The following AAK1 variants were observed in gnomAD, a reference collection of about 807,000 sequenced individuals.
AAK1 encodes AP2-associated protein kinase 1.
A neutral mutation model predicts 116.0 loss-of-function variants in AAK1; 37 were observed. That is an observed-to-expected ratio of 0.32 (90% CI 0.25 to 0.42). AAK1 has a LOEUF of 0.42. Ranked by LOEUF, AAK1 falls within the 10% of genes least tolerant of loss-of-function variation. The pLI is 1.00. For missense variants in AAK1, 919 were observed against 1,170.6 expected, an observed-to-expected ratio of 0.79 and a Z score of 3.14; for synonymous variants, 458 against 439.9, an observed-to-expected ratio of 1.04 and a Z score of -0.51.
At chr2:69,591,805 G>A (rs375757417) in intron 2 of AAK1, among the ~76,000 whole-genome samples, 115 of 152,148 alleles carry the variant, frequency 7.6e-4, no homozygotes, top group African/African-American at 2.6e-3. Flanking sequence ...TCCTGACCTC[G>A]TGATCCGCCC....
chr2:69,610,704 T>C (rs1256737348), intron 2 of AAK1, among the ~76,000 whole-genome samples: 15 of 152,196 alleles, frequency 9.9e-5, no homozygotes, highest in Admixed American at 9.8e-4. Flanking sequence ...TAATAGACAT[T>C]TCTCCAAAGA....
intron 2 of AAK1, among the ~76,000 whole-genome samples, chr2:69,621,170 G>A (rs1160501270): frequency 6.6e-6 from 1 of 152,218 alleles, no homozygotes; most frequent in Admixed American, 6.5e-5. Context: ...GTATATAGTA[G>A]AGTCGAGTGG....
chr2:69,624,857 C>T (rs1017212409), intron 2 of AAK1, among the ~76,000 whole-genome samples: 1 of 152,134 alleles, frequency 6.6e-6, no homozygotes, highest in African/African-American at 2.4e-5. Flanking sequence ...AATATTATAA[C>T]AGTGCCTAGA....
chr2:69,563,488 C>T lies in AAK1; in HGVS notation c.164-6510G>A, dbSNP rs187359824. On this transcript the variant is annotated intron_variant, in intron 2 of 21. Transcript: ENST00000409085. ...TAAAATCAGGCCTAGATTCTAGGCA[C>T]TGAAATCACCAACTGTTTATTTCTT... Among the ~76,000 whole-genome samples, 132 of 152,282 alleles carry T rather than the reference C, an allele frequency of 8.7e-4. 1 individual carries two copies. The highest frequency in any genetic ancestry group is 3.0e-3 in the African/African-American group (126 of 41,550).
Position 69,469,408 on chromosome 2 carries a change from G to A in AAK1, c.*6461C>T, listed in dbSNP as rs775638463. 1.2e-5 allele frequency: 12 copies of A among 985,314 alleles called. No individual in the cohort carries two copies. The highest frequency in any genetic ancestry group is 6.1e-5 in the Admixed American group (1 of 16,264). 61.0% of individuals were successfully genotyped at this position (985,314 alleles called of 1,614,324 possible). ...GATAAAAGTCTTTTTTTGAGTATGT[G>A]AATGTGTTCTTACAGGGAAAATGTG... On this transcript the variant is annotated 3_prime_UTR_variant, in exon 22 of 22. Coordinates refer to ENST00000409085, the MANE Select transcript of AAK1 (RefSeq NM_014911.5).
chr2:69,588,693 AT>A (rs71397338), intron 2 of AAK1, among the ~76,000 whole-genome samples: 1,533 of 148,780 alleles, frequency 0.01, 10 homozygotes, highest in African/African-American at 0.019. Flanking sequence ...CAGCTACATG[AT>A]TTTTTTTTTC....
rs1269350467 is a variant in AAK1, at chr2:69,473,169, G to A, written c.*2700C>T. On this transcript the variant is annotated 3_prime_UTR_variant, in exon 22 of 22. Coordinates refer to ENST00000409085, the MANE Select transcript of AAK1 (RefSeq NM_014911.5). Reference sequence around the variant, plus strand: ...CCTGCTGAAGGTCACTCAGCCAGTGGCTGGCAAGGGCCAGGATGAGATCCC... The same window carrying A: ...CCTGCTGAAGGTCACTCAGCCAGTGACTGGCAAGGGCCAGGATGAGATCCC... 3.9e-6 allele frequency: 3 copies of A among 773,768 alleles called. No homozygotes were observed. Among genetic ancestry groups the A allele is most frequent in the Non-Finnish European group, 4.7e-6 (3 of 636,868 alleles). 47.9% of individuals were successfully genotyped at this position (773,768 alleles called of 1,614,324 possible).
intron 13 of AAK1, among the ~76,000 whole-genome samples, chr2:69,514,084 C>T (rs1676490616): frequency 6.6e-6 from 1 of 152,070 alleles, no homozygotes; most frequent in Admixed American, 6.6e-5. Flanking sequence ...CATGGAGGAC[C>T]CAGGGCCTGG....
At chr2:69,586,174 A>G (rs949092635) in intron 2 of AAK1, among the ~76,000 whole-genome samples, 2 of 152,214 alleles carry the variant, frequency 1.3e-5, no homozygotes, top group African/African-American at 4.8e-5. Flanking sequence ...GTTTTGTCTA[A>G]GCACTGCATT....
chr2:69,474,689 A>C lies in AAK1; in HGVS notation c.*1180T>G, dbSNP rs1674788540. 2.0e-6 allele frequency: 2 copies of C among 985,730 alleles called. No individual in the cohort carries two copies. The highest frequency in any genetic ancestry group is 2.4e-6 in the Non-Finnish European group (2 of 829,942). The allele number at this position is 985,730 out of a possible 1,614,324, so 61.1% of individuals were successfully genotyped here. A position where few individuals can be genotyped will look rare whatever the true frequency, so the allele number is the denominator to read the frequency against. Reference sequence around the variant, plus strand: ...ACTTATTTCTGATTATCTGAAAATAAACAACATGCTTATTCTAGAGACAGA... The same window carrying C: ...ACTTATTTCTGATTATCTGAAAATACACAACATGCTTATTCTAGAGACAGA... On this transcript the variant is annotated 3_prime_UTR_variant, in exon 22 of 22. Transcript: ENST00000409085.
Position 69,470,735 on chromosome 2 carries a change from G to GTA in AAK1, c.*5133_*5134insTA. ...TTATTCTCCTTGAGACTAAAACAGG[G>GTA]GTTTTACTCTCTCAGGTAGCCATGA... On this transcript the variant is annotated 3_prime_UTR_variant, in exon 22 of 22. Transcript: ENST00000409085. 12 of 985,446 alleles carry GTA rather than the reference G, an allele frequency of 1.2e-5. No homozygotes were observed. The highest frequency in any genetic ancestry group is 1.4e-5 in the Non-Finnish European group (12 of 829,896). 61.0% of individuals were successfully genotyped at this position (985,446 alleles called of 1,614,324 possible).
chr2:69,564,717 G>A (rs536813932), intron 2 of AAK1, among the ~76,000 whole-genome samples: 1 of 152,256 alleles, frequency 6.6e-6, no homozygotes, highest in South Asian at 2.1e-4. Context: ...TACCTGCCAA[G>A]GGCTTTCACT....
chr2:69,483,384 C>T (rs974408227), intron 17 of AAK1, among the ~76,000 whole-genome samples: 4 of 152,096 alleles, frequency 2.6e-5, no homozygotes, highest in Admixed American at 6.5e-5. Context: ...GAAAGTCATC[C>T]GTGTGGTCGC....
At chr2:69,490,388 G>A (rs1284556101) in intron 17 of AAK1, among the ~76,000 whole-genome samples, 2 of 152,128 alleles carry the variant, frequency 1.3e-5, no homozygotes, top group African/African-American at 2.4e-5. Context: ...TCTCACAAAA[G>A]ACAAAAGATG....
chr2:69,478,787 G>A, intron 20 of AAK1, 164 bp downstream of exon 20: 1 of 590,982 alleles, frequency 1.7e-6, no homozygotes, highest in Non-Finnish European at 3.0e-6. Context: ...TTCTCACTGA[G>A]AGGTATTATA....
chr2:69,514,854 G>A lies in AAK1; in HGVS notation c.1498-105C>T, dbSNP rs1430199508. The A allele has an allele frequency of 4.5e-6, 6 of 1,321,932 alleles. No individual in the cohort carries two copies. In the Admixed American group the frequency reaches 8.9e-5, roughly 20 times the overall value. The allele number at this position is 1,321,932 out of a possible 1,614,324, so 81.9% of individuals were successfully genotyped here. ...AGACCAGTGCTAAAGCCAAAGGCAA[G>A]GGCAAGTAGAAAAGTCTTGAGGCTA... is the stretch of plus-strand genomic sequence containing the variant. On this transcript the variant is annotated intron_variant, in intron 12 of 21. Transcript: ENST00000409085.
At chr2:69,607,792 T>G (rs1456116820) in intron 2 of AAK1, among the ~76,000 whole-genome samples, 1 of 152,188 alleles carries the variant, frequency 6.6e-6, no homozygotes, top group Admixed American at 6.5e-5. Context: ...GACTAGAGAT[T>G]AGCCATGACC....
intron 16 of AAK1, among the ~76,000 whole-genome samples, chr2:69,499,120 G>A (rs1448579405): frequency 1.3e-5 from 2 of 152,114 alleles, no homozygotes; most frequent in African/African-American, 2.4e-5. Context: ...TCTCAGGACT[G>A]TGAGTATCTG....
chr2:69,475,594 C>T lies in AAK1; in HGVS notation c.*275G>A, dbSNP rs1674825379. 2 of 1,176,634 alleles carry T rather than the reference C, an allele frequency of 1.7e-6. No homozygotes were observed. Among genetic ancestry groups the T allele is most frequent in the African/African-American group, 1.6e-5 (1 of 63,836 alleles). 72.9% of individuals were successfully genotyped at this position (1,176,634 alleles called of 1,614,324 possible). A position where few individuals can be genotyped will look rare whatever the true frequency, so the allele number is the denominator to read the frequency against. ...ATTCCAGCAGAGGTGAAGCTCATGG[C>T]ATCTAGTGCTTGATTTAAGATAATG... On this transcript the variant is annotated 3_prime_UTR_variant, in exon 22 of 22. Transcript: ENST00000409085.
Sources: allele counts gnomAD v4.1 joint callset (sites outside exome capture counted in the v4.1 genomes callset), GRCh38; gene constraint gnomAD v4.1.1; transcripts MANE v1.5; gene names NCBI Gene and HGNC (gene_info 2026-07-23, HGNC 2026-07-21).